The following ERCC1 variants were observed in gnomAD, a reference collection of about 807,000 sequenced individuals.
ERCC1 encodes the protein DNA excision repair protein ERCC-1.
ERCC1 carries 36 observed loss-of-function variants against 37.6 expected under a neutral mutation model. That is an observed-to-expected ratio of 0.96 (90% CI 0.73 to 1.26). ERCC1 has a LOEUF of 1.26. Ranked by LOEUF, ERCC1 falls within the 50% of genes most tolerant of loss-of-function variation. ERCC1 has a pLI of 0.00. For synonymous variants in ERCC1, 156 were observed against 162.1 expected (o/e 0.96, Z 0.28); for missense variants, 349 against 376.5 (o/e 0.93, Z 0.60).
chr19:45,432,751 A>G (rs1344258951), intron 1 of ERCC1, among the ~76,000 whole-genome samples: 1 of 152,184 alleles, frequency 6.6e-6, no homozygotes, highest in Non-Finnish European at 1.5e-5. Context: ...TATGTTGCCC[A>G]GGCAGAGGCC....
rs757317847 is a variant in ERCC1 at position 45,409,505 on chromosome 19, GC to G, written c.*169del. ...GCAGCAGCAGCAGCCTGTGTAGTCT[GC>G]CCCCGGGAAACTGAGGAACTAAAGA... is the stretch of plus-strand genomic sequence containing the variant. On this transcript the variant is annotated 3_prime_UTR_variant, in exon 10 of 10. Coordinates refer to ENST00000300853, the MANE Select transcript of ERCC1 (RefSeq NM_001983.4). 3.4e-5 allele frequency: 54 copies of G among 1,600,920 alleles called. No individual in the cohort carries two copies. The African/African-American group carries it at 6.4e-4, about 19-fold the overall frequency.
intron 1 of ERCC1, 148 bp from the exon 2 acceptor site, chr19:45,423,529 AACGCC>A (rs1974572000): frequency 1.4e-6 from 2 of 1,457,680 alleles, no homozygotes; most frequent in Non-Finnish European, 1.8e-6. Flanking sequence ...GAGGCTCTGT[AACGCC>A]ACGCCCCTTT....
chr19:45,413,524 C>T (rs1973864007), intron 9 of ERCC1, 153 bp downstream of exon 9: 1 of 1,575,190 alleles, frequency 6.3e-7, no homozygotes, highest in South Asian at 1.1e-5. Flanking sequence ...AGTCCTCCCG[C>T]CTTGGCCTCC....
In ERCC1 at chr19:45,408,349, G is replaced by A. The variant is rs1301087694; in HGVS notation, c.*1326C>T. ...AGGGTCCCCAGCAATCCCTGTCAGG[G>A]AGCCCTCTGCAGCCCATCCCAGCAA... On this transcript the variant is annotated 3_prime_UTR_variant, in exon 10 of 10. Coordinates refer to ENST00000300853, the MANE Select transcript of ERCC1 (RefSeq NM_001983.4). The A allele has an allele frequency of 6.2e-7, 1 of 1,607,924 alleles. No individual in the cohort carries two copies.
chr19:45,413,854 G>T (rs1973884669), intron 8 of ERCC1, 109 bp from the exon 9 acceptor site: 1 of 1,579,122 alleles, frequency 6.3e-7, no homozygotes. Context: ...CCTGTGGGAA[G>T]GCAGGACGGG....
At chr19:45,423,193 G>T in intron 2 of ERCC1, 77 bp downstream of exon 2, 1 of 1,422,064 alleles carries the variant, frequency 7.0e-7, no homozygotes. Context: ...CCACACCCTG[G>T]TCCCACAGGC....
chr19:45,428,707 G>T (rs891394272), upstream of ERCC1, among the ~76,000 whole-genome samples: 1 of 152,226 alleles, frequency 6.6e-6, no homozygotes, highest in African/African-American at 2.4e-5. Flanking sequence ...ACCTGAACGG[G>T]GGGCGGAGAG....
chr19:45,430,746 A>G (rs976898543), intron 1 of ERCC1, among the ~76,000 whole-genome samples: 2 of 151,604 alleles, frequency 1.3e-5, no homozygotes, highest in African/African-American at 2.4e-5. Flanking sequence ...CAAAACCCCA[A>G]CTCTACTAAA....
rs769173238 is a variant in ERCC1, at chr19:45,408,934, C to T, written c.*741G>A. 1 of 1,614,028 alleles carries T rather than the reference C, an allele frequency of 6.2e-7. No individual in the cohort carries two copies. Among genetic ancestry groups the T allele is most frequent in the East Asian group, 2.2e-5 (1 of 44,860 alleles). On this transcript the variant is annotated 3_prime_UTR_variant, in exon 10 of 10. Coordinates refer to ENST00000300853, the MANE Select transcript of ERCC1 (RefSeq NM_001983.4). ...AGGTGGAGCCACTGGAGGAAGCCAT[C>T]CCTCTGCCCCCTACGAAGAAGAGGA...
Position 45,414,160 on chromosome 19 carries a change from G to A in ERCC1, c.703-126C>T, listed in dbSNP as rs1247283130. 6.7e-6 allele frequency: 5 copies of A among 749,186 alleles called. No individual in the cohort carries two copies. In the African/African-American group the frequency reaches 6.9e-5, roughly 10 times the overall value. The allele number at this position is 749,186 out of a possible 1,614,324, so 46.4% of individuals were successfully genotyped here. On this transcript the variant is annotated intron_variant, in intron 7 of 9. Coordinates refer to ENST00000300853, the MANE Select transcript of ERCC1 (RefSeq NM_001983.4). ...GGCGTGCAGGAAGCACTCAATAAACGCTTTTTTTCCCAACTGATTAAAAAG... is the reference window on the plus strand; with the variant it reads ...GGCGTGCAGGAAGCACTCAATAAACACTTTTTTTCCCAACTGATTAAAAAG...
At chr19:45,416,478 C>T (rs190873452) in intron 6 of ERCC1, 61 of 283,706 alleles carry the variant, frequency 2.2e-4, no homozygotes, top group African/African-American at 1.3e-3. Context: ...TGGCAAAACC[C>T]GTCCCTACTA....
intron 4 of ERCC1, 120 bp from the exon 5 acceptor site, chr19:45,419,317 G>T (rs1259445313): frequency 1.8e-5 from 13 of 734,800 alleles, no homozygotes; most frequent in South Asian, 6.0e-5. Context: ...AGAGGGTCCT[G>T]AGGCCCACAG....
At chr19:45,425,690 C>T (rs1290365700), upstream of ERCC1, among the ~76,000 whole-genome samples, 1 of 152,108 alleles carries the variant, frequency 6.6e-6, no homozygotes, top group African/African-American at 2.4e-5. Context: ...TTTGAAAGTG[C>T]ACCGAGGTCG....
At chr19:45,410,888 A>C (rs539602188) in intron 9 of ERCC1, 5 of 152,236 alleles carry the variant, frequency 3.3e-5, no homozygotes, top group African/African-American at 1.2e-4. Context: ...CAGTGGCACA[A>C]TCTTGGCTCA....
chr19:45,431,847 T>C (rs559993998), intron 1 of ERCC1, among the ~76,000 whole-genome samples: 61 of 152,224 alleles, frequency 4.0e-4, no homozygotes, highest in Non-Finnish European at 6.9e-4. Context: ...GTCTTAATTA[T>C]ACCCCTGGCA....
At chr19:45,423,039 G>A (rs138903854) in intron 2 of ERCC1, among the ~76,000 whole-genome samples, 2 of 152,152 alleles carry the variant, frequency 1.3e-5, no homozygotes, top group African/African-American at 4.8e-5. Context: ...ACACATCAGG[G>A]GCTACCTGCT....
chr19:45,440,592 T>A (rs1975095902), intron 1 of ERCC1, among the ~76,000 whole-genome samples: 1 of 152,166 alleles, frequency 6.6e-6, no homozygotes, highest in Non-Finnish European at 1.5e-5. Context: ...TCACGGCTCA[T>A]TCTGTGACCA....
intron 9 of ERCC1, chr19:45,413,444 GTTTT>G: frequency 1.2e-6 from 1 of 808,826 alleles, no homozygotes; most frequent in South Asian, 1.5e-5. Context: ...TGCCCAGCTA[GTTTT>G]TTTTATTTTT....
Position 45,420,140 on chromosome 19 carries a change from C to T in ERCC1, c.425+184G>A, listed in dbSNP as rs1364709126. On this transcript the variant is annotated intron_variant, in intron 4 of 9. Coordinates refer to ENST00000300853, the MANE Select transcript of ERCC1 (RefSeq NM_001983.4). The surrounding 1 kb of genome is among the most constrained non-coding windows in gnomAD (Gnocchi z 4.8). ...AGACCCAGGAGTTCGGGCTCCAGCTCTTGTTGCACTGGGCACCTCCAGGCC... is the reference window on the plus strand; with the variant it reads ...AGACCCAGGAGTTCGGGCTCCAGCTTTTGTTGCACTGGGCACCTCCAGGCC... Among the ~76,000 whole-genome samples the T allele has an allele frequency of 6.6e-6, 1 of 152,122 alleles. No homozygotes were observed.
Sources: gnomAD v4.1 joint callset for allele counts (sites outside exome capture counted in the v4.1 genomes callset) on GRCh38, gnomAD v4.1.1 for gene constraint, Gnocchi (gnomAD v3.1) non-coding constraint, MANE v1.5 for transcripts, NCBI Gene and HGNC (gene_info 2026-07-23, HGNC 2026-07-21) for gene names.